Variants in NPAS2 observed in about 807,000 individuals in gnomAD.
The protein encoded by NPAS2 is neuronal PAS domain protein 2, also known as neuronal PAS domain-containing protein 2.
A neutral mutation model predicts 107.5 loss-of-function variants in NPAS2; 23 were observed. That is an observed-to-expected ratio of 0.21 (90% CI 0.15 to 0.30). The LOEUF (loss-of-function observed/expected upper bound fraction) is 0.30. NPAS2 is among the 10% of genes least tolerant of loss of function. NPAS2 has a pLI of 1.00. For synonymous variants in NPAS2, 403 were observed against 417.5 expected, an observed-to-expected ratio of 0.97 and a Z score of 0.42; for missense variants, 756 against 1,043.3, an observed-to-expected ratio of 0.72 and a Z score of 3.79.
intron 12 of NPAS2, among the ~76,000 whole-genome samples, chr2:100,971,822 C>T (rs75155673): frequency 7.9e-5 from 12 of 151,358 alleles, no homozygotes; most frequent in East Asian, 1.9e-4. Context: ...CCCTGTTCCT[C>T]GGAGTCCATT....
Position 100,904,721 on chromosome 2 carries a change from T to TC in NPAS2, c.-22-12_-22-11insC. 6.5e-7 allele frequency: 1 copy of TC among 1,545,188 alleles called. No individual in the cohort carries two copies. The highest frequency in any genetic ancestry group is 8.8e-7 in the Non-Finnish European group (1 of 1,133,700). On this transcript the variant is annotated splice_polypyrimidine_tract_variant and intron_variant, in intron 1 of 20. Transcript: ENST00000335681. The stretch of plus-strand genomic sequence containing the variant: ...TATCCATTCTTTTTAATTTTTTTTT[T>TC]TTTTTTTGCAGGAAAAACTGCATAG...
At chr2:100,936,672 A>G (rs776344982) in intron 4 of NPAS2, among the ~76,000 whole-genome samples, 41 of 152,310 alleles carry the variant, frequency 2.7e-4, no homozygotes, top group Non-Finnish European at 5.3e-4. Context: ...AATAAATCCC[A>G]ATAAACAATC....
chr2:100,935,925 G>T (rs1022630155), intron 4 of NPAS2, among the ~76,000 whole-genome samples: 2 of 152,080 alleles, frequency 1.3e-5, no homozygotes, highest in African/African-American at 4.8e-5. Flanking sequence ...GTTCTTCGTT[G>T]TGGGGACTCT....
At chr2:100,959,089 CAAAAAAA>C (rs758460503) in intron 7 of NPAS2, among the ~76,000 whole-genome samples, 1 of 47,674 alleles carries the variant, frequency 2.1e-5, no homozygotes, top group Non-Finnish European at 4.0e-5. Context: ...CCCATCTCTT[CAAAAAAA>C]AAAAAAAAAA....
intron 7 of NPAS2, among the ~76,000 whole-genome samples, chr2:100,959,307 T>C (rs1675785858): frequency 6.6e-6 from 1 of 152,030 alleles, no homozygotes; most frequent in Non-Finnish European, 1.5e-5. Context: ...CAGCTCTCTC[T>C]TGTGGCTCCT....
At chr2:100,941,178 G>C (rs753407151) in intron 5 of NPAS2, among the ~76,000 whole-genome samples, 2 of 152,178 alleles carry the variant, frequency 1.3e-5, no homozygotes, top group African/African-American at 4.8e-5. Context: ...ATAGATTTTC[G>C]TACAGCAATT....
intron 17 of NPAS2, chr2:100,988,796 T>A (rs1319401484): frequency 1.1e-5 from 1 of 94,058 alleles, no homozygotes; most frequent in African/African-American, 6.9e-5. Flanking sequence ...CAGGCCCCCA[T>A]TGCTCCTCCA....
In NPAS2 at chr2:100,974,848, G is replaced by A. The variant is rs775637085; in HGVS notation, c.1186G>A (p.Asp396Asn). 14 of 1,614,088 alleles carry A rather than the reference G, an allele frequency of 8.7e-6. No homozygotes were observed. The highest frequency in any genetic ancestry group is 3.3e-5 in the South Asian group (3 of 91,086). The change falls in exon 13 of 21, where the codon GAC becomes AAC. Residue 396 changes from aspartate (D) to asparagine (N), a missense_variant. Coordinates refer to ENST00000335681, the MANE Select transcript of NPAS2 (RefSeq NM_002518.4). ...ACCTCGGCAGCACTTTAACACACTC[G>A]ACGTGGGTGCCTCGGGCCTTAATAC... ...LEPRQHFNTLDVGASGLNTSH... is the reference protein window; with the variant it reads ...LEPRQHFNTLNVGASGLNTSH...
At chr2:100,964,832 C>CTTTTTT in intron 8 of NPAS2, 29 bp from the exon 9 acceptor site, 1 of 1,227,764 alleles carries the variant, frequency 8.1e-7, no homozygotes, top group South Asian at 1.4e-5. Context: ...ACCCAAGCAA[C>CTTTTTT]TTTTTTTTTT....
At chr2:100,910,834 C>T (rs536674864) in intron 2 of NPAS2, among the ~76,000 whole-genome samples, 1 of 152,198 alleles carries the variant, frequency 6.6e-6, no homozygotes, top group African/African-American at 2.4e-5. Context: ...AGCCTAATGT[C>T]TTCTTCTTAC....
Position 100,982,514 on chromosome 2 carries a change from T to C in NPAS2, c.1629+137T>C, listed in dbSNP as rs557991571. ...AGCCCCATTTGCTTATGAAAGCATA[T>C]TGCAGTCTCTGCAAAGGACAAGGAA... On this transcript the variant is annotated intron_variant, in intron 16 of 20. Coordinates refer to ENST00000335681, the MANE Select transcript of NPAS2 (RefSeq NM_002518.4). The C allele has an allele frequency of 2.3e-5, 23 of 992,588 alleles. No individual in the cohort carries two copies. The South Asian group carries it at 3.8e-4, about 17-fold the overall frequency. The allele number at this position is 992,588 out of a possible 1,614,324, so 61.5% of individuals were successfully genotyped here.
At chr2:100,861,111 C>T (rs1336322793) in intron 1 of NPAS2, among the ~76,000 whole-genome samples, 1 of 151,946 alleles carries the variant, frequency 6.6e-6, no homozygotes, top group Non-Finnish European at 1.5e-5. Flanking sequence ...AAGGGATCCT[C>T]CCATCTCAGC....
chr2:100,874,742 C>CA (rs957343564), intron 1 of NPAS2, among the ~76,000 whole-genome samples: 3 of 150,498 alleles, frequency 2.0e-5, no homozygotes, highest in African/African-American at 7.3e-5. Context: ...AACTCCATCT[C>CA]AAAAAAAAAG....
chr2:100,876,748 C>T (rs1306332116), intron 1 of NPAS2, among the ~76,000 whole-genome samples: 2 of 152,062 alleles, frequency 1.3e-5, no homozygotes, highest in Admixed American at 1.3e-4. Flanking sequence ...TTGGGCATCT[C>T]GCCTGTCTGG....
intron 2 of NPAS2, among the ~76,000 whole-genome samples, chr2:100,909,331 C>T (rs998717029): frequency 5.3e-5 from 8 of 152,252 alleles, no homozygotes; most frequent in African/African-American, 1.9e-4. Flanking sequence ...TAGGCCAAGA[C>T]AGGATGGAGA....
At position 100,844,007 on chromosome 2, in the gene NPAS2, AT is replaced by A. The variant is rs34982034; in HGVS notation, c.-23+23594del. Among the ~76,000 whole-genome samples, 880 of 152,258 alleles carry A rather than the reference AT, an allele frequency of 5.8e-3. 53 individuals carry two copies. In the East Asian group the frequency reaches 0.14, roughly 24 times the overall value. ...ACACCAAGAAGAGGTGAGAAGAGAA[AT>A]GGTGGTGAAGATGCCCACCCTGATA... On this transcript the variant is annotated intron_variant, in intron 1 of 20. Coordinates refer to ENST00000335681, the MANE Select transcript of NPAS2 (RefSeq NM_002518.4).
At chr2:100,847,941 T>A (rs1465114020) in intron 1 of NPAS2, among the ~76,000 whole-genome samples, 1 of 152,202 alleles carries the variant, frequency 6.6e-6, no homozygotes, top group Non-Finnish European at 1.5e-5. Flanking sequence ...AAGCTACAAG[T>A]ACAGATAAAG....
chr2:100,955,339 C>G (rs1675505426), intron 7 of NPAS2, among the ~76,000 whole-genome samples: 1 of 152,044 alleles, frequency 6.6e-6, no homozygotes, highest in Non-Finnish European at 1.5e-5. Flanking sequence ...CTTACTGTAC[C>G]CGCTTCCTGG....
At position 100,964,225 on chromosome 2, in the gene NPAS2, C is replaced by T. The variant is rs547686245; in HGVS notation, c.717+49C>T. On this transcript the variant is annotated intron_variant, in intron 8 of 20. Transcript: ENST00000335681. Reference sequence around the variant, plus strand: ...TTGTGCGGAGCTGTTATGATTGACTCACATTTTGTTATATGTAATTAATGG... The same window carrying T: ...TTGTGCGGAGCTGTTATGATTGACTTACATTTTGTTATATGTAATTAATGG... 11 of 1,196,116 alleles carry T rather than the reference C, an allele frequency of 9.2e-6. No individual in the cohort carries two copies. In the African/African-American group the frequency reaches 1.5e-4, roughly 16 times the overall value. 74.1% of individuals were successfully genotyped at this position (1,196,116 alleles called of 1,614,324 possible). A position where few individuals can be genotyped will look rare whatever the true frequency, so the allele number is the denominator to read the frequency against.
Sources: gnomAD v4.1 joint callset for allele counts (sites outside exome capture counted in the v4.1 genomes callset) on GRCh38, gnomAD v4.1.1 for gene constraint, MANE v1.5 for transcripts, NCBI Gene and HGNC (gene_info 2026-07-23, HGNC 2026-07-21) for gene names.